Variants in MANBA observed in about 807,000 individuals in gnomAD.
MANBA encodes the protein beta-mannosidase.
Under a neutral mutation model 111.1 loss-of-function variants are expected in MANBA, and 83 were observed. The observed-to-expected ratio is 0.75, with a 90% CI of 0.63 to 0.90. The LOEUF (loss-of-function observed/expected upper bound fraction) is 0.90. MANBA is among the 40% of genes least tolerant of loss of function. The pLI is 0.00. For synonymous variants in MANBA, 370 were observed against 378.7 expected (o/e 0.98, Z 0.27); for missense variants, 1,036 against 1,069.0 (o/e 0.97, Z 0.43).
intron 12 of MANBA, among the ~76,000 whole-genome samples, chr4:102,654,922 A>G (rs1036329617): frequency 3.9e-5 from 6 of 152,178 alleles, no homozygotes; most frequent in Admixed American, 2.0e-4. Context: ...AGATGACATG[A>G]TCTTATATAT....
intron 1 of MANBA, chr4:102,734,518 C>A: frequency 6.2e-7 from 1 of 1,607,620 alleles, no homozygotes; most frequent in Non-Finnish European, 8.5e-7. Context: ...GAGGCTGAAC[C>A]ATCTGAGCTC....
intron 5 of MANBA, among the ~76,000 whole-genome samples, chr4:102,697,510 C>T: frequency 9.3e-6 from 1 of 107,334 alleles, no homozygotes; most frequent in Non-Finnish European, 1.8e-5. Context: ...CTCCCCCCTC[C>T]CCCCACCCCA....
intron 14 of MANBA, among the ~76,000 whole-genome samples, chr4:102,636,592 CT>C: frequency 6.6e-6 from 1 of 152,282 alleles, no homozygotes; most frequent in Admixed American, 6.5e-5. Context: ...AATACCTCCC[CT>C]ACTGCACGCA....
chr4:102,695,057 C>T (rs142505613), intron 5 of MANBA, among the ~76,000 whole-genome samples: 322 of 152,230 alleles, frequency 2.1e-3, no homozygotes, highest in Middle Eastern at 6.8e-3. Flanking sequence ...ATGTGTCTGA[C>T]CTGGATGGGA....
intron 13 of MANBA, among the ~76,000 whole-genome samples, chr4:102,648,714 TATG>T (rs1324479167): frequency 2.0e-5 from 3 of 152,122 alleles, no homozygotes; most frequent in African/African-American, 7.2e-5. Context: ...GTGTGAATTT[TATG>T]ATATGTCCAT....
intron 10 of MANBA, chr4:102,666,209 A>G (rs1216898375): frequency 1.3e-5 from 2 of 152,258 alleles, no homozygotes; most frequent in African/African-American, 2.4e-5. Context: ...TTTGCATGCA[A>G]TGGCTCTCCT....
chr4:102,699,911 T>C lies in MANBA; in HGVS notation c.674-9140A>G, dbSNP rs945366171. On this transcript the variant is annotated intron_variant, in intron 5 of 16. Transcript: ENST00000647097. ...GAGGATTCCCTCTTTTTCTATTGATTGGAATAGTTTCAGAAGGAATGGTAC... is the reference window on the plus strand; with the variant it reads ...GAGGATTCCCTCTTTTTCTATTGATCGGAATAGTTTCAGAAGGAATGGTAC... Among the ~76,000 whole-genome samples, 179 of 151,582 alleles carry C rather than the reference T, an allele frequency of 1.2e-3. 1 individual carries two copies. Among genetic ancestry groups the C allele is most frequent in the Non-Finnish European group, 2.1e-3 (140 of 67,616 alleles).
At chr4:102,673,851 G>A in intron 8 of MANBA, 68 bp downstream of exon 8, 4 of 1,439,018 alleles carry the variant, frequency 2.8e-6, no homozygotes, top group Non-Finnish European at 3.9e-6. Context: ...AAGTAAAAAT[G>A]AGTAAACCTC....
At chr4:102,704,360 G>T in intron 5 of MANBA, among the ~76,000 whole-genome samples, 1 of 151,832 alleles carries the variant, frequency 6.6e-6, no homozygotes, top group Non-Finnish European at 1.5e-5. Context: ...TTTATTTTTT[G>T]TAGAGACAAT....
intron 1 of MANBA, among the ~76,000 whole-genome samples, chr4:102,759,449 G>A (rs1274502796): frequency 6.6e-6 from 1 of 151,838 alleles, no homozygotes; most frequent in Non-Finnish European, 1.5e-5. Flanking sequence ...TCTATCACAA[G>A]TAGTTTGTCA....
intron 5 of MANBA, among the ~76,000 whole-genome samples, chr4:102,692,551 C>T (rs1163389466): frequency 1.3e-5 from 2 of 152,074 alleles, no homozygotes; most frequent in African/African-American, 2.4e-5. Flanking sequence ...GGTGGAAAAA[C>T]AGACCGTTTT....
intron 1 of MANBA, chr4:102,727,418 T>A (rs1722851946): frequency 9.3e-7 from 1 of 1,078,492 alleles, no homozygotes; most frequent in Non-Finnish European, 1.4e-6. Context: ...GTCCTGGAGA[T>A]GAGCTTGGTA....
chr4:102,694,868 C>T (rs1413872978), intron 5 of MANBA, among the ~76,000 whole-genome samples: 6 of 152,028 alleles, frequency 3.9e-5, no homozygotes, highest in African/African-American at 9.7e-5. Flanking sequence ...GGTGTCCTCG[C>T]TGATGTCCTA....
At chr4:102,734,654 C>A in intron 1 of MANBA, 3 of 1,403,966 alleles carry the variant, frequency 2.1e-6, no homozygotes, top group Non-Finnish European at 3.0e-6. Flanking sequence ...AGGGAGAGGG[C>A]CTTGGGGACA....
chr4:102,743,510 C>T (rs1723485656), intron 1 of MANBA, among the ~76,000 whole-genome samples: 1 of 152,202 alleles, frequency 6.6e-6, no homozygotes, highest in Admixed American at 6.5e-5. Context: ...TTCTCTTCCT[C>T]TGTCAACTGA....
chr4:102,756,887 A>G (rs1439197178), intron 1 of MANBA, among the ~76,000 whole-genome samples: 5 of 151,812 alleles, frequency 3.3e-5, no homozygotes, highest in Non-Finnish European at 5.9e-5. Context: ...CATTCCTAAC[A>G]AGGGTCCCTT....
intron 12 of MANBA, among the ~76,000 whole-genome samples, chr4:102,656,851 A>T (rs1348403849): frequency 6.6e-6 from 1 of 152,058 alleles, no homozygotes; most frequent in Non-Finnish European, 1.5e-5. Context: ...TATTCCAATT[A>T]TATGAAATAT....
Position 102,760,671 on chromosome 4 carries a change from A to C in MANBA, c.177+47T>G, listed in dbSNP as rs542684520. On this transcript the variant is annotated intron_variant, in intron 1 of 16. Coordinates refer to ENST00000647097, the MANE Select transcript of MANBA (RefSeq NM_005908.4). The stretch of plus-strand genomic sequence containing the variant: ...CGGTTCCTGGGCCCCTCTCAGCACC[A>C]GAAGAAGGCGGGCGCAGGCTCGCCG... The C allele has an allele frequency of 5.7e-5, 85 of 1,496,060 alleles. No homozygotes were observed. In the African/African-American group the frequency reaches 1.1e-3, roughly 20 times the overall value. The allele number at this position is 1,496,060 out of a possible 1,614,324, so 92.7% of individuals were successfully genotyped here. A position where few individuals can be genotyped will look rare whatever the true frequency, so the allele number is the denominator to read the frequency against.
At chr4:102,735,103 G>A (rs921511387) in intron 1 of MANBA, among the ~76,000 whole-genome samples, 14 of 152,114 alleles carry the variant, frequency 9.2e-5, no homozygotes, top group Admixed American at 6.6e-4. Context: ...AGGCCAAAAC[G>A]CCATGGCCAT....
Sources: allele counts gnomAD v4.1 joint callset (sites outside exome capture counted in the v4.1 genomes callset), GRCh38; gene constraint gnomAD v4.1.1; transcripts MANE v1.5; gene names NCBI Gene and HGNC (gene_info 2026-07-23, HGNC 2026-07-21).